Variants in LDLRAD3 observed in about 807,000 individuals in gnomAD.
The protein encoded by LDLRAD3 is low density lipoprotein receptor class A domain containing 3.
In LDLRAD3, 20 loss-of-function variants were observed where a neutral mutation model predicts 29.4. The ratio of observed to expected loss-of-function variants is 0.68; its 90% CI spans 0.48 to 0.99. LDLRAD3 has a LOEUF of 0.99. Ranked by LOEUF, LDLRAD3 falls within the 50% of genes least tolerant of loss-of-function variation. The pLI is 0.00. For missense variants in LDLRAD3, 420 were observed against 454.3 expected, an observed-to-expected ratio of 0.92 and a Z score of 0.69; for synonymous variants, 157 against 192.7, an observed-to-expected ratio of 0.81 and a Z score of 1.53.
intron 4 of LDLRAD3, among the ~76,000 whole-genome samples, chr11:36,148,213 A>T (rs946732899): frequency 1.3e-5 from 2 of 152,122 alleles, no homozygotes; most frequent in Admixed American, 1.3e-4. Flanking sequence ...AATAAATGTT[A>T]TATATCTAGC....
intron 1 of LDLRAD3, among the ~76,000 whole-genome samples, chr11:35,993,784 G>C (rs1407183406): frequency 1.3e-5 from 2 of 152,098 alleles, no homozygotes; most frequent in Non-Finnish European, 2.9e-5. Flanking sequence ...TTCATGAGCT[G>C]ATTCAGACGT....
At chr11:36,217,729 G>A (rs1025384692) in intron 4 of LDLRAD3, among the ~76,000 whole-genome samples, 1 of 152,188 alleles carries the variant, frequency 6.6e-6, no homozygotes, top group Non-Finnish European at 1.5e-5. Context: ...GGGAGAGTCT[G>A]TTCCATGCCT....
intron 3 of LDLRAD3, among the ~76,000 whole-genome samples, chr11:36,091,933 C>T (rs1450110660): frequency 6.6e-6 from 1 of 152,162 alleles, no homozygotes; most frequent in Non-Finnish European, 1.5e-5. Flanking sequence ...TACCATAGTC[C>T]CAAATGCAAT....
intron 2 of LDLRAD3, among the ~76,000 whole-genome samples, chr11:36,049,175 C>T (rs1852494186): frequency 6.6e-6 from 1 of 152,132 alleles, no homozygotes; most frequent in African/African-American, 2.4e-5. Flanking sequence ...TTGGTAATGG[C>T]TAATAAAATT....
intron 2 of LDLRAD3, among the ~76,000 whole-genome samples, chr11:36,040,859 T>C (rs1198108460): frequency 6.6e-6 from 1 of 152,230 alleles, no homozygotes; most frequent in African/African-American, 2.4e-5. Context: ...AAAATATTTT[T>C]CTGGTTAATT....
intron 1 of LDLRAD3, among the ~76,000 whole-genome samples, chr11:35,954,364 ATTC>A (rs1234260856): frequency 6.6e-6 from 1 of 152,210 alleles, no homozygotes; most frequent in Non-Finnish European, 1.5e-5. Flanking sequence ...AGAAAAAAGA[ATTC>A]TTCTCTTTTC....
chr11:36,198,311 A>T (rs796566094), intron 4 of LDLRAD3, among the ~76,000 whole-genome samples: 1 of 152,156 alleles, frequency 6.6e-6, no homozygotes, highest in Non-Finnish European at 1.5e-5. Context: ...CCATCCAATC[A>T]TAGCCATTAT....
intron 2 of LDLRAD3, among the ~76,000 whole-genome samples, chr11:36,060,369 A>AAG (rs1391227103): frequency 6.6e-6 from 1 of 151,854 alleles, no homozygotes; most frequent in Non-Finnish European, 1.5e-5. Flanking sequence ...AAAAAAAAAA[A>AAG]AAAAAGTTAT....
At chr11:36,098,026 C>G (rs993737647) in intron 3 of LDLRAD3, among the ~76,000 whole-genome samples, 1 of 152,216 alleles carries the variant, frequency 6.6e-6, no homozygotes, top group African/African-American at 2.4e-5. Context: ...AGATTTGATG[C>G]ATCTCAGAGA....
At chr11:36,121,364 G>C (rs1853754711) in intron 4 of LDLRAD3, among the ~76,000 whole-genome samples, 1 of 152,034 alleles carries the variant, frequency 6.6e-6, no homozygotes, top group Admixed American at 6.5e-5. Context: ...TGGGGTGGTG[G>C]AGTGCAGCCT....
At chr11:36,014,892 C>T (rs1171553973) in intron 1 of LDLRAD3, among the ~76,000 whole-genome samples, 2 of 152,046 alleles carry the variant, frequency 1.3e-5, no homozygotes, top group East Asian at 3.8e-4. Flanking sequence ...AATGTTTAAA[C>T]AAAAGAAGGG....
Position 36,231,486 on chromosome 11 carries a change from G to A in LDLRAD3, c.*2089G>A, listed in dbSNP as rs1855575127. ...TCAGAAGGGCTTTATTTCTCCCTTT[G>A]ATGGGGCCCCTTCTTCTTTCTGGTG... On this transcript the variant is annotated 3_prime_UTR_variant, in exon 6 of 6. Coordinates refer to ENST00000315571, the MANE Select transcript of LDLRAD3 (RefSeq NM_174902.4). 6.6e-6 allele frequency: 1 copy of A among 152,076 alleles called. No individual in the cohort carries two copies. The highest frequency in any genetic ancestry group is 6.6e-5 in the Admixed American group (1 of 15,258). The allele number at this position is 152,076 out of a possible 1,614,324, so 9.4% of individuals were successfully genotyped here.
chr11:36,127,615 A>T (rs955938351), intron 4 of LDLRAD3, among the ~76,000 whole-genome samples: 1 of 152,228 alleles, frequency 6.6e-6, no homozygotes, highest in South Asian at 2.1e-4. Context: ...TTGCTCCTAC[A>T]TCAGAAGTAA....
intron 4 of LDLRAD3, among the ~76,000 whole-genome samples, chr11:36,212,950 G>A (rs557257728): frequency 6.6e-6 from 1 of 152,298 alleles, no homozygotes; most frequent in African/African-American, 2.4e-5. Context: ...AACCTCTGCA[G>A]TCTTTTGGAA....
At chr11:36,194,514 G>A (rs905819138) in intron 4 of LDLRAD3, among the ~76,000 whole-genome samples, 1 of 152,110 alleles carries the variant, frequency 6.6e-6, no homozygotes, top group Non-Finnish European at 1.5e-5. Context: ...GATGTCTGTT[G>A]GCAAGCCTGG....
rs148651953 is a variant in LDLRAD3 at position 36,037,934 on chromosome 11, C to A, written c.193+1685C>A. Among the ~76,000 whole-genome samples the A allele has an allele frequency of 1.5e-4, 23 of 152,178 alleles. 1 individual carries two copies. The East Asian group carries it at 3.7e-3, about 24-fold the overall frequency. ...AATTGTTTGTTTGTTTATTGTTTTC[C>A]AGCCCAGGCTGGAATGCAATGGCAT... On this transcript the variant is annotated intron_variant, in intron 2 of 5. Transcript: ENST00000315571.
At chr11:36,040,106 C>T (rs1265432890) in intron 2 of LDLRAD3, among the ~76,000 whole-genome samples, 8 of 152,080 alleles carry the variant, frequency 5.3e-5, no homozygotes, top group Non-Finnish European at 1.2e-4. Context: ...AGTGTTCTCG[C>T]CTCGGAGAGG....
intron 4 of LDLRAD3, among the ~76,000 whole-genome samples, chr11:36,111,495 T>C (rs1853604694): frequency 6.6e-6 from 1 of 152,144 alleles, no homozygotes; most frequent in African/African-American, 2.4e-5. Flanking sequence ...TGCAAATATG[T>C]CAGTTCTTGT....
intron 2 of LDLRAD3, among the ~76,000 whole-genome samples, chr11:36,053,931 C>T (rs1444800796): frequency 6.6e-6 from 1 of 152,114 alleles, no homozygotes; most frequent in East Asian, 1.9e-4. Context: ...GGATGGGGTT[C>T]CCTAGAGTCC....
Sources: allele counts gnomAD v4.1 joint callset (sites outside exome capture counted in the v4.1 genomes callset), GRCh38; gene constraint gnomAD v4.1.1; transcripts MANE v1.5; gene names NCBI Gene and HGNC (gene_info 2026-07-23, HGNC 2026-07-21).